ZNF174: variants seen among roughly 807,000 people sequenced by gnomAD.
ZNF174 encodes AW-1.
In ZNF174, 30 loss-of-function variants were observed where a neutral mutation model predicts 38.7. That is an observed-to-expected ratio of 0.78 (90% CI 0.58 to 1.05). The LOEUF (loss-of-function observed/expected upper bound fraction) is 1.05, where lower values mean the gene tolerates loss of function less well. ZNF174 is among the 50% of genes least tolerant of loss of function. ZNF174 has a pLI of 0.00. For synonymous variants in ZNF174, 201 were observed against 181.7 expected (o/e 1.11, Z -0.86); for missense variants, 499 against 495.6 (o/e 1.01, Z -0.06).
At chr16:3,403,442 A>G (rs1410388203) in intron 1 of ZNF174, among the ~76,000 whole-genome samples, 2 of 149,336 alleles carry the variant, frequency 1.3e-5, no homozygotes, top group African/African-American at 4.9e-5. Context: ...AAGTGCTGGG[A>G]TTACAGGCGT....
intron 2 of ZNF174, chr16:3,405,106 C>A: frequency 2.0e-6 from 3 of 1,473,242 alleles, no homozygotes; most frequent in Non-Finnish European, 2.7e-6. Context: ...TTCCCTTTCT[C>A]TGGTGTGATA....
chr16:3,402,454 T>TTTTC, intron 1 of ZNF174, 48 bp downstream of exon 1: 1 of 1,070,180 alleles, frequency 9.3e-7, no homozygotes, highest in Non-Finnish European at 1.2e-6. Context: ...TTTTCTTTTC[T>TTTTC]TTTTTTTTTT....
At chr16:3,406,886 T>A (rs2034062783) in intron 2 of ZNF174, among the ~76,000 whole-genome samples, 1 of 152,204 alleles carries the variant, frequency 6.6e-6, no homozygotes, top group African/African-American at 2.4e-5. Flanking sequence ...CAAGGAGACA[T>A]AGATTTAGCT....
At chr16:3,406,142 TA>T (rs2034052506) in intron 2 of ZNF174, among the ~76,000 whole-genome samples, 2 of 152,380 alleles carry the variant, frequency 1.3e-5, no homozygotes, top group South Asian at 4.1e-4. Context: ...TGTGGCTGAA[TA>T]ATAGGCATTG....
rs1378713807 is a variant in ZNF174 at position 3,408,583 on chromosome 16, G to C, written c.888G>C (p.Glu296Asp). The change falls in exon 3 of 3, where the codon GAG becomes GAC. Residue 296 changes from glutamate (E) to aspartate (D), a missense_variant. Transcript: ENST00000268655. ...CCCTAAAAAGCCACCCACTGAGAGA[G>C]CTAAAGAAAAGCAAAGGAGGTAAAC... ...SSPLKSHPLR[E>D]LKKSKGGKRS... is the part of the protein sequence containing the mutation. 6.2e-7 allele frequency: 1 copy of C among 1,614,178 alleles called. No individual in the cohort carries two copies. The highest frequency in any genetic ancestry group is 1.1e-5 in the South Asian group (1 of 91,086).
chr16:3,403,943 G>T (rs930340969), intron 1 of ZNF174, among the ~76,000 whole-genome samples: 1 of 152,182 alleles, frequency 6.6e-6, no homozygotes, highest in Admixed American at 6.5e-5. Flanking sequence ...GAATGAAGGT[G>T]GGGTGGTCCT....
At chr16:3,403,150 C>CTTTTTTTTT (rs753071209) in intron 1 of ZNF174, among the ~76,000 whole-genome samples, 4 of 30,974 alleles carry the variant, frequency 1.3e-4, no homozygotes, top group African/African-American at 5.8e-4. Flanking sequence ...AGCTTATAGT[C>CTTTTTTTTT]TTTTTTTTTT....
intron 1 of ZNF174, among the ~76,000 whole-genome samples, chr16:3,402,737 T>C (rs1298906352): frequency 5.9e-5 from 9 of 152,042 alleles, no homozygotes; most frequent in Non-Finnish European, 7.4e-5. Context: ...GGACTACAGG[T>C]GTGAGCCACC....
intron 2 of ZNF174, among the ~76,000 whole-genome samples, chr16:3,406,425 G>A (rs1321996357): frequency 2.0e-5 from 3 of 152,186 alleles, no homozygotes; most frequent in Non-Finnish European, 4.4e-5. Flanking sequence ...ACTGTGTGAG[G>A]ATTCCGATTT....
chr16:3,402,951 T>G (rs2033979960), intron 1 of ZNF174, among the ~76,000 whole-genome samples: 1 of 152,084 alleles, frequency 6.6e-6, no homozygotes, highest in African/African-American at 2.4e-5. Flanking sequence ...TTACCATTCC[T>G]TTATGCACCT....
intron 2 of ZNF174, among the ~76,000 whole-genome samples, chr16:3,406,222 C>A (rs1248151202): frequency 6.6e-6 from 1 of 152,046 alleles, no homozygotes; most frequent in African/African-American, 2.4e-5. Context: ...TGGGTTGTTT[C>A]TACTTTTTGG....
rs550238475 is a variant in ZNF174 at position 3,404,175 on chromosome 16, C to CT, written c.403-248dup. Among the ~76,000 whole-genome samples, 13 of 152,274 alleles carry CT rather than the reference C, an allele frequency of 8.5e-5. No individual in the cohort carries two copies. In the South Asian group the frequency reaches 2.7e-3, roughly 32 times the overall value. On this transcript the variant is annotated intron_variant, in intron 1 of 2. Transcript: ENST00000268655. ...TTTGTGCCAGCAACTACCCTGATGACTTTGACTCTGGCCCTTGAGAAAGGC... is the reference window on the plus strand; with the variant it reads ...TTTGTGCCAGCAACTACCCTGATGACTTTTGACTCTGGCCCTTGAGAAAGGC...
chr16:3,406,821 T>A (rs2034061720), intron 2 of ZNF174, among the ~76,000 whole-genome samples: 1 of 152,220 alleles, frequency 6.6e-6, no homozygotes, highest in Non-Finnish European at 1.5e-5. Flanking sequence ...TGGTGTCATA[T>A]GTAAAATAGC....
In ZNF174 at chr16:3,401,743, G is replaced by T. The variant is rs1420559052; in HGVS notation, c.-262G>T. 2.1e-5 allele frequency: 9 copies of T among 424,210 alleles called. No individual in the cohort carries two copies. Among genetic ancestry groups the T allele is most frequent in the Non-Finnish European group, 3.4e-5 (8 of 237,908 alleles). 26.3% of individuals were successfully genotyped at this position (424,210 alleles called of 1,614,324 possible). A position where few individuals can be genotyped will look rare whatever the true frequency, so the allele number is the denominator to read the frequency against. ...GTATTTTTTCCCCAGAGTCCTTTTA[G>T]GACGTTATGACTTTTCTCCTTTGCA... On this transcript the variant is annotated 5_prime_UTR_variant, in exon 1 of 3. In the 5' UTR this introduces an upstream ATG that the reference lacks. Transcript: ENST00000268655.
At chr16:3,407,480 T>A (rs1026125460) in intron 2 of ZNF174, among the ~76,000 whole-genome samples, 5 of 152,206 alleles carry the variant, frequency 3.3e-5, no homozygotes, top group African/African-American at 1.2e-4. Context: ...GGCTGATTAT[T>A]TACATTTGAA....
At position 3,408,477 on chromosome 16, in the gene ZNF174, G is replaced by A. The variant is rs775451343; in HGVS notation, c.782G>A (p.Arg261Gln). The change falls in exon 3 of 3, where the codon CGG (arginine) becomes CAG (glutamine). Residue 261 changes from arginine (R) to glutamine (Q), a missense_variant. By Grantham distance (43) the Arg-to-Gln change is conservative. Transcript: ENST00000268655. ...GANMSEPRLS[R>Q]RQVSSPNAQK... ...AATATGAGTGAACCTCGGTTGTCAC[G>A]GAGGCAGGTCAGCTCCCCAAATGCT... 69 of 1,613,982 alleles carry A rather than the reference G, an allele frequency of 4.3e-5. No homozygotes were observed. The highest frequency in any genetic ancestry group is 8.3e-5 in the Admixed American group (5 of 59,994).
chr16:3,407,541 C>CAGT (rs2034072408), intron 2 of ZNF174, among the ~76,000 whole-genome samples: 1 of 152,200 alleles, frequency 6.6e-6, no homozygotes, highest in South Asian at 2.1e-4. Context: ...TCCTTAGTCA[C>CAGT]AGTAGTCACA....
chr16:3,404,793 C>T (rs1212549110), intron 2 of ZNF174, 145 bp downstream of exon 2: 2 of 1,528,400 alleles, frequency 1.3e-6, no homozygotes, highest in African/African-American at 2.8e-5. Flanking sequence ...AAACAAATTT[C>T]ACTAATTAGG....
At chr16:3,404,815 A>C in intron 2 of ZNF174, 167 bp downstream of exon 2, 1 of 1,565,110 alleles carries the variant, frequency 6.4e-7, no homozygotes, top group Non-Finnish European at 8.7e-7. Context: ...TGGTGGTGAT[A>C]CTACAAGTAA....
Sources: allele counts gnomAD v4.1 joint callset (sites outside exome capture counted in the v4.1 genomes callset), GRCh38; gene constraint gnomAD v4.1.1; transcripts MANE v1.5; gene names NCBI Gene and HGNC (gene_info 2026-07-23, HGNC 2026-07-21).